The following MTHFD2L variants were observed in gnomAD, a reference collection of about 807,000 sequenced individuals.
The protein encoded by MTHFD2L is methylenetetrahydrofolate dehydrogenase (NADP+ dependent) 2 like, also known as bifunctional methylenetetrahydrofolate dehydrogenase/cyclohydrolase 2, mitochondrial.
MTHFD2L carries 29 observed loss-of-function variants against 34.9 expected under a neutral mutation model. That is an observed-to-expected ratio of 0.83 (90% CI 0.62 to 1.13). The LOEUF (loss-of-function observed/expected upper bound fraction) is 1.13, where lower values mean the gene tolerates loss of function less well. MTHFD2L is among the 50% of genes most tolerant of loss of function. MTHFD2L has a pLI of 0.00. For synonymous variants in MTHFD2L, 167 were observed against 155.7 expected (o/e 1.07, Z -0.54); for missense variants, 481 against 446.5 (o/e 1.08, Z -0.70).
intron 6 of MTHFD2L, among the ~76,000 whole-genome samples, chr4:74,236,887 G>A (rs1353884485): frequency 6.6e-6 from 1 of 152,028 alleles, no homozygotes; most frequent in African/African-American, 2.4e-5. Flanking sequence ...ACTTTCAGTG[G>A]ATTTATCTCT....
Position 74,291,545 on chromosome 4 carries a change from G to A in MTHFD2L, c.931+9995G>A, listed in dbSNP as rs116608400. 1.0e-3 allele frequency among the ~76,000 whole-genome samples: 152 copies of A among 152,158 alleles called. 2 individuals are homozygous for A. The highest frequency in any genetic ancestry group is 2.4e-3 in the African/African-American group (99 of 41,524). On this transcript the variant is annotated intron_variant, in intron 7 of 7. Coordinates refer to ENST00000325278, the MANE Select transcript of MTHFD2L (RefSeq NM_001144978.3). ...TTAATGATACATCCATTGATTCTTC[G>A]TTTATTTACTCAGCACATATTTTGT...
In MTHFD2L at chr4:74,267,825, G is replaced by C. The variant is rs1401526284; in HGVS notation, c.806-13600G>C. 8.1e-6 allele frequency: 8 copies of C among 985,152 alleles called. No homozygotes were observed. The African/African-American group carries it at 1.0e-4, about 13-fold the overall frequency. 61.0% of individuals were successfully genotyped at this position (985,152 alleles called of 1,614,324 possible). A position where few individuals can be genotyped will look rare whatever the true frequency, so the allele number is the denominator to read the frequency against. ...ATATGGTCCAAGGCAGAAGGTGATG[G>C]AACTACTTGAATGATCCTATGAATT... On this transcript the variant is annotated intron_variant, in intron 6 of 7. Transcript: ENST00000325278.
chr4:74,301,679 GT>G lies in MTHFD2L; in HGVS notation c.932-10del, dbSNP rs760854100. Reference sequence around the variant, plus strand: ...ATTTTAAAATAAAGAATATCTGTTTGTTTTTTTTCCTCATCAGCTGTTAAAA... The same window carrying G: ...ATTTTAAAATAAAGAATATCTGTTTGTTTTTTTCCTCATCAGCTGTTAAAA... On this transcript the variant is annotated splice_polypyrimidine_tract_variant and intron_variant, in intron 7 of 7. Coordinates refer to ENST00000325278, the MANE Select transcript of MTHFD2L (RefSeq NM_001144978.3). The G allele has an allele frequency of 1.2e-5, 18 of 1,447,290 alleles. No individual in the cohort carries two copies. Among genetic ancestry groups the G allele is most frequent in the African/African-American group, 5.8e-5 (4 of 69,220 alleles). The allele number at this position is 1,447,290 out of a possible 1,614,324, so 89.7% of individuals were successfully genotyped here.
intron 4 of MTHFD2L, 42 bp downstream of exon 4, chr4:74,199,988 G>A (rs745618088): frequency 6.2e-6 from 10 of 1,604,320 alleles, no homozygotes; most frequent in Middle Eastern, 1.7e-4. Flanking sequence ...GCTAGGTGCT[G>A]AGCTGAGCCT....
At chr4:74,186,129 TATA>T (rs1365348470) in intron 3 of MTHFD2L, among the ~76,000 whole-genome samples, 1 of 152,090 alleles carries the variant, frequency 6.6e-6, no homozygotes, top group Non-Finnish European at 1.5e-5. Context: ...ATGAAAATCA[TATA>T]ATCATTTCCA....
chr4:74,249,886 C>A (rs1209611487), intron 6 of MTHFD2L, among the ~76,000 whole-genome samples: 1 of 152,112 alleles, frequency 6.6e-6, no homozygotes, highest in African/African-American at 2.4e-5. Flanking sequence ...GTAGGTAACC[C>A]GACCTTTCTT....
intron 6 of MTHFD2L, among the ~76,000 whole-genome samples, chr4:74,226,839 G>A (rs554720516): frequency 8.1e-4 from 124 of 152,206 alleles, no homozygotes; most frequent in African/African-American, 2.7e-3. Context: ...CATCTTAGTG[G>A]GAGAGAGAGC....
chr4:74,155,509 T>G (rs1724182834), upstream of MTHFD2L, among the ~76,000 whole-genome samples: 1 of 152,144 alleles, frequency 6.6e-6, no homozygotes, highest in Non-Finnish European at 1.5e-5. Flanking sequence ...AGATATAAAA[T>G]AATGTCTATT....
intron 5 of MTHFD2L, among the ~76,000 whole-genome samples, chr4:74,223,215 G>GGT (rs748354252): frequency 1.4e-4 from 21 of 151,356 alleles, no homozygotes; most frequent in Non-Finnish European, 2.7e-4. Flanking sequence ...AAGAAAATGT[G>GGT]GTGTGTGTGT....
intron 6 of MTHFD2L, chr4:74,267,624 A>G (rs953695568): frequency 7.1e-6 from 4 of 563,822 alleles, no homozygotes; most frequent in African/African-American, 6.1e-5. Flanking sequence ...TTGTAGTGAC[A>G]AGGTTTCCCT....
At chr4:74,173,674 T>A (rs573024735) in intron 1 of MTHFD2L, among the ~76,000 whole-genome samples, 30 of 152,304 alleles carry the variant, frequency 2.0e-4, no homozygotes, top group African/African-American at 7.0e-4. Flanking sequence ...GTATACATAG[T>A]GGAGTCCAGT....
intron 1 of MTHFD2L, among the ~76,000 whole-genome samples, chr4:74,172,966 C>T (rs1728320368): frequency 6.6e-6 from 1 of 152,122 alleles, no homozygotes; most frequent in Non-Finnish European, 1.5e-5. Flanking sequence ...AGCACCCGCC[C>T]TCATTAGAAA....
At chr4:74,158,410 C>A in intron 1 of MTHFD2L, 129 bp downstream of exon 1, 2 of 712,164 alleles carry the variant, frequency 2.8e-6, no homozygotes, top group Non-Finnish European at 3.5e-6. Context: ...GGGTCGAGGA[C>A]AGCCTTGTCT....
upstream of MTHFD2L, among the ~76,000 whole-genome samples, chr4:74,120,859 C>A (rs1308799935): frequency 6.6e-6 from 1 of 152,170 alleles, no homozygotes; most frequent in Non-Finnish European, 1.5e-5. Flanking sequence ...ACACCACTGG[C>A]AGCACATTTC....
At chr4:74,219,053 C>G (rs1737697049) in intron 5 of MTHFD2L, among the ~76,000 whole-genome samples, 1 of 151,572 alleles carries the variant, frequency 6.6e-6, no homozygotes, top group African/African-American at 2.4e-5. Context: ...CTTATAATAC[C>G]TAAGTAATAA....
chr4:74,171,458 C>T (rs748856322), intron 1 of MTHFD2L, among the ~76,000 whole-genome samples: 2 of 152,152 alleles, frequency 1.3e-5, no homozygotes, highest in African/African-American at 2.4e-5. Flanking sequence ...CGTATTTAAA[C>T]ATACACTTAC....
At chr4:74,195,076 A>C (rs1023772902) in intron 3 of MTHFD2L, 1 of 152,218 alleles carries the variant, frequency 6.6e-6, no homozygotes, top group Non-Finnish European at 1.5e-5. Flanking sequence ...TTTTTTAGGA[A>C]AGCCTTCCAG....
intron 1 of MTHFD2L, among the ~76,000 whole-genome samples, chr4:74,130,280 CA>C: frequency 6.6e-6 from 1 of 151,614 alleles, no homozygotes; most frequent in South Asian, 2.1e-4. Context: ...AGAGACACAA[CA>C]AAAAAAAGAA....
At chr4:74,171,353 T>A (rs996440836) in intron 1 of MTHFD2L, among the ~76,000 whole-genome samples, 5 of 152,158 alleles carry the variant, frequency 3.3e-5, no homozygotes, top group Non-Finnish European at 7.4e-5. Flanking sequence ...TCTGAAGTGA[T>A]GACAAGTATA....
Sources: gnomAD v4.1 joint callset for allele counts (sites outside exome capture counted in the v4.1 genomes callset) on GRCh38, gnomAD v4.1.1 for gene constraint, MANE v1.5 for transcripts, NCBI Gene and HGNC (gene_info 2026-07-23, HGNC 2026-07-21) for gene names.